Variants in PTPN6 observed in about 807,000 individuals in gnomAD.
PTPN6 encodes the protein protein tyrosine phosphatase non-receptor type 6, also known as tyrosine-protein phosphatase non-receptor type 6.
PTPN6 carries 18 observed loss-of-function variants against 81.5 expected under a neutral mutation model. The ratio of observed to expected loss-of-function variants is 0.22; its 90% confidence interval spans 0.15 to 0.33. The LOEUF (loss-of-function observed/expected upper bound fraction) is 0.33, where lower values mean the gene tolerates loss of function less well. Among genes scored for constraint, PTPN6 ranks in the 10% least tolerant of loss-of-function variants. The pLI is 1.00. For synonymous variants in PTPN6, 301 were observed against 310.9 expected, an observed-to-expected ratio of 0.97 and a Z score of 0.33; for missense variants, 500 against 794.2, an observed-to-expected ratio of 0.63 and a Z score of 4.45.
chr12:6,961,143 T>A lies in PTPN6; in HGVS notation c.*43T>A. ...CTTGGCAGCCTCAGCCCTGACCCTG[T>A]GGAAGCATTTCGCGATGGACAGACT... On this transcript the variant is annotated 3_prime_UTR_variant, in exon 16 of 16. Coordinates refer to ENST00000318974, the MANE Select transcript of PTPN6 (RefSeq NM_002831.6). 1.2e-6 allele frequency: 1 copy of A among 838,840 alleles called. No homozygotes were observed. The highest frequency in any genetic ancestry group is 1.8e-6 in the Non-Finnish European group (1 of 555,280). The allele number at this position is 838,840 out of a possible 1,614,324, so 52.0% of individuals were successfully genotyped here.
chr12:6,960,192 A>G lies in PTPN6; in HGVS notation c.1534A>G (p.Ile512Val). 1 of 1,609,970 alleles carries G rather than the reference A, an allele frequency of 6.2e-7. No individual in the cohort carries two copies. Among genetic ancestry groups the G allele is most frequent in the Non-Finnish European group, 8.5e-7 (1 of 1,179,328 alleles). ...EAQYKFIYVA[I>V]AQFIETTKKK... Reference sequence around the variant, plus strand: ...GCAGTACAAGTTCATCTACGTGGCCATCGCCCAGTTCATTGAAACCACTAA... The same window carrying G: ...GCAGTACAAGTTCATCTACGTGGCCGTCGCCCAGTTCATTGAAACCACTAA... The change falls in exon 13 of 16, where the codon ATC becomes GTC. Residue 512 changes from isoleucine to valine, a missense_variant. Transcript: ENST00000318974. This position sits in a 1 kb window ranked among gnomAD's most constrained non-coding sequence, Gnocchi z 6.1.
chr12:6,946,644 G>T, upstream of PTPN6: 1 of 1,196,854 alleles, frequency 8.4e-7, no homozygotes, highest in Non-Finnish European at 1.2e-6. Context: ...CACCTGGCTT[G>T]GGCCACTGTG....
Position 6,952,436 on chromosome 12 carries a change from G to A in PTPN6, c.326+259G>A, listed in dbSNP as rs1403378369. The A allele has an allele frequency of 1.4e-5, 8 of 556,518 alleles. No individual in the cohort carries two copies. The highest frequency in any genetic ancestry group is 9.3e-5 in the East Asian group (3 of 32,328). The allele number at this position is 556,518 out of a possible 1,614,324, so 34.5% of individuals were successfully genotyped here. ...TCGCCCTACTCCGGGAGCCCTGGCC[G>A]CTGCAACCCAGGTCCCACTGGAGAC... is the stretch of plus-strand genomic sequence containing the variant. On this transcript the variant is annotated intron_variant, in intron 3 of 15. Transcript: ENST00000318974. The surrounding 1 kb of genome is among the most constrained non-coding windows in gnomAD (Gnocchi z 8.1).
rs983263472 is a variant in PTPN6 at position 6,955,505 on chromosome 12, A to C, written c.747+20A>C. On this transcript the variant is annotated intron_variant, in intron 6 of 15. Transcript: ENST00000318974. The surrounding 1 kb of genome is among the most constrained non-coding windows in gnomAD (Gnocchi z 7.2). ...TTTGAGGTGCATGGTGGGGACCGGC[A>C]GGGCTGGGGCAGCTGAGGTGGTGGC... 6.8e-6 allele frequency: 11 copies of C among 1,610,556 alleles called. No homozygotes were observed. The African/African-American group carries it at 1.2e-4, about 18-fold the overall frequency.
rs1946090776 is a variant in PTPN6 at position 6,959,536 on chromosome 12, G to A, written c.1362-391G>A. Reference sequence around the variant, plus strand: ...GAAAAGGGAAGTGAAGCCATGCTGAGAGACGCTCCATAACTCCTTCAGGGA... The same window carrying A: ...GAAAAGGGAAGTGAAGCCATGCTGAAAGACGCTCCATAACTCCTTCAGGGA... On this transcript the variant is annotated intron_variant, in intron 11 of 15. Coordinates refer to ENST00000318974, the MANE Select transcript of PTPN6 (RefSeq NM_002831.6). This position sits in a 1 kb window ranked among gnomAD's most constrained non-coding sequence, Gnocchi z 6.6. The A allele has an allele frequency of 2.1e-5, 8 of 384,322 alleles. No individual in the cohort carries two copies. The South Asian group carries it at 2.2e-4, about 11-fold the overall frequency. The allele number at this position is 384,322 out of a possible 1,614,324, so 23.8% of individuals were successfully genotyped here. A position where few individuals can be genotyped will look rare whatever the true frequency, so the allele number is the denominator to read the frequency against.
Position 6,960,491 on chromosome 12 carries a change from G to T in PTPN6, c.1673+56G>T. ...TCCACCCCTTTGTCCTGCCCAGCCC[G>T]ATCCTCACTTTCTGGAGAGGACAAG... is the stretch of plus-strand genomic sequence containing the variant. On this transcript the variant is annotated intron_variant, in intron 14 of 15. Coordinates refer to ENST00000318974, the MANE Select transcript of PTPN6 (RefSeq NM_002831.6). This position sits in a 1 kb window ranked among gnomAD's most constrained non-coding sequence, Gnocchi z 6.1. 2 of 1,564,406 alleles carry T rather than the reference G, an allele frequency of 1.3e-6. No homozygotes were observed. The highest frequency in any genetic ancestry group is 1.8e-6 in the Non-Finnish European group (2 of 1,140,890).
upstream of PTPN6, among the ~76,000 whole-genome samples, chr12:6,950,182 T>G (rs2017732148): frequency 6.6e-6 from 1 of 150,590 alleles, no homozygotes; most frequent in Non-Finnish European, 1.5e-5. Flanking sequence ...AGTTAGCATA[T>G]TTATTTTTAT....
rs1555148494 is a variant in PTPN6, at chr12:6,955,512, G to A, written c.747+27G>A. 4 of 1,608,118 alleles carry A rather than the reference G, an allele frequency of 2.5e-6. No individual in the cohort carries two copies. The Admixed American group carries it at 5.0e-5, about 20-fold the overall frequency. On this transcript the variant is annotated intron_variant, in intron 6 of 15. Transcript: ENST00000318974. The surrounding 1 kb of genome is among the most constrained non-coding windows in gnomAD (Gnocchi z 7.2). ...TGCATGGTGGGGACCGGCAGGGCTG[G>A]GGCAGCTGAGGTGGTGGCAGCGGCC...
In PTPN6 at chr12:6,954,005, G is replaced by C. The variant is rs1459069847; in HGVS notation, c.327-800G>C. Reference sequence around the variant, plus strand: ...GAGTTTTGTGTTTTTTCCATCACGTGGTTTCCTGTGGGGCTGGGCTTTGTG... The same window carrying C: ...GAGTTTTGTGTTTTTTCCATCACGTCGTTTCCTGTGGGGCTGGGCTTTGTG... On this transcript the variant is annotated intron_variant, in intron 3 of 15. Coordinates refer to ENST00000318974, the MANE Select transcript of PTPN6 (RefSeq NM_002831.6). This position sits in a 1 kb window ranked among gnomAD's most constrained non-coding sequence, Gnocchi z 5.4. Among the ~76,000 whole-genome samples the C allele has an allele frequency of 6.6e-6, 1 of 152,198 alleles. No individual in the cohort carries two copies. The highest frequency in any genetic ancestry group is 1.5e-5 in the Non-Finnish European group (1 of 68,026).
rs1421136546 is a variant in PTPN6, at chr12:6,957,554, G to A, written c.1075-100G>A. 2.7e-6 allele frequency: 4 copies of A among 1,460,028 alleles called. No homozygotes were observed. The African/African-American group carries it at 5.6e-5, about 20-fold the overall frequency. 90.4% of individuals were successfully genotyped at this position (1,460,028 alleles called of 1,614,324 possible). On this transcript the variant is annotated intron_variant, in intron 9 of 15. Transcript: ENST00000318974. The surrounding 1 kb of genome is among the most constrained non-coding windows in gnomAD (Gnocchi z 6.5). The stretch of plus-strand genomic sequence containing the variant: ...CAGCCCATCCGTCCATCCAACAAAT[G>A]TTTGGGCCGGTGCCAGGCACTCAGA...
Position 6,951,369 on chromosome 12 carries a change from C to T in PTPN6, c.-144C>T, listed in dbSNP as rs1591683264. 1 of 1,541,620 alleles carries T rather than the reference C, an allele frequency of 6.5e-7. No individual in the cohort carries two copies. Among genetic ancestry groups the T allele is most frequent in the South Asian group, 1.2e-5 (1 of 83,542 alleles). On this transcript the variant is annotated 5_prime_UTR_variant, in exon 1 of 16. Coordinates refer to ENST00000318974, the MANE Select transcript of PTPN6 (RefSeq NM_002831.6). The surrounding 1 kb of genome is among the most constrained non-coding windows in gnomAD (Gnocchi z 7.2). ...CTGCCCCAGGCCAGTGGAGTGGCAG[C>T]CCCAGAACTGGGACCACCGGGGGTG...
chr12:6,958,206 G>T, intron 11 of PTPN6, 133 bp downstream of exon 11: 1 of 1,307,666 alleles, frequency 7.6e-7, no homozygotes, highest in Non-Finnish European at 1.1e-6. Flanking sequence ...GCTTCTCCTG[G>T]GTCCCCTCAT....
In PTPN6 at chr12:6,960,696, G is replaced by GT. The variant is rs1449285734; in HGVS notation, c.1674-109dup. The stretch of plus-strand genomic sequence containing the variant: ...AGTCTAGTGCAGGGACCGTGGCTGC[G>GT]TCACCTGTGAGACGGGGTGGCCAGA... On this transcript the variant is annotated intron_variant, in intron 14 of 15. Coordinates refer to ENST00000318974, the MANE Select transcript of PTPN6 (RefSeq NM_002831.6). The surrounding 1 kb of genome is among the most constrained non-coding windows in gnomAD (Gnocchi z 6.1). The GT allele has an allele frequency of 6.4e-7, 1 of 1,551,528 alleles. No individual in the cohort carries two copies. Among genetic ancestry groups the GT allele is most frequent in the African/African-American group, 1.4e-5 (1 of 73,146 alleles).
Position 6,960,264 on chromosome 12 carries a change from G to GGC in PTPN6, c.1581+26_1581+27insCG. 3.2e-6 allele frequency: 5 copies of GGC among 1,543,068 alleles called. No individual in the cohort carries two copies. Among genetic ancestry groups the GGC allele is most frequent in the South Asian group, 2.5e-5 (2 of 80,690 alleles). ...GGTGCGTGCAGAGCAGGGCCTGGGGGGGGGGGGGGCTGCAGTGCAGGATGG... is the reference window on the plus strand; with the variant it reads ...GGTGCGTGCAGAGCAGGGCCTGGGGGGCGGGGGGGGGCTGCAGTGCAGGATGG... On this transcript the variant is annotated intron_variant, in intron 13 of 15. Transcript: ENST00000318974. The surrounding 1 kb of genome is among the most constrained non-coding windows in gnomAD (Gnocchi z 6.1).
chr12:6,950,871 T>A (rs1336078424), upstream of PTPN6, among the ~76,000 whole-genome samples: 2 of 152,158 alleles, frequency 1.3e-5, no homozygotes, highest in East Asian at 3.8e-4. Context: ...AGCCTCAGGT[T>A]CCTTGTCTGT....
chr12:6,960,269 G>C lies in PTPN6; in HGVS notation c.1581+30G>C, dbSNP rs374834069. ...GTGCAGAGCAGGGCCTGGGGGGGGG[G>C]GGGGCTGCAGTGCAGGATGGGTGCC... On this transcript the variant is annotated intron_variant, in intron 13 of 15. Coordinates refer to ENST00000318974, the MANE Select transcript of PTPN6 (RefSeq NM_002831.6). This position sits in a 1 kb window ranked among gnomAD's most constrained non-coding sequence, Gnocchi z 6.1. 195 of 1,605,938 alleles carry C rather than the reference G, an allele frequency of 1.2e-4. 1 individual carries two copies. Among genetic ancestry groups the C allele is most frequent in the South Asian group, 3.7e-4 (34 of 90,780 alleles).
rs781896115 is a variant in PTPN6, at chr12:6,952,185, C to T, written c.326+8C>T. ...CGATCCCACTAGTGAGAGGTGAGGG[C>T]TCCGCACCCCCGCCATTCCCAAGCA... On this transcript the variant is annotated splice_region_variant and intron_variant, in intron 3 of 15. Transcript: ENST00000318974. This position sits in a 1 kb window ranked among gnomAD's most constrained non-coding sequence, Gnocchi z 8.1. The T allele has an allele frequency of 1.9e-6, 3 of 1,612,986 alleles. No individual in the cohort carries two copies. The South Asian group carries it at 3.3e-5, about 18-fold the overall frequency.
At chr12:6,946,718 A>T (rs782180778), upstream of PTPN6, 2 of 1,611,238 alleles carry the variant, frequency 1.2e-6, no homozygotes, top group African/African-American at 2.7e-5. Flanking sequence ...CCCCCTCCCT[A>T]CAGAGAGATG....
At chr12:6,961,045 C>T in intron 15 of PTPN6, 81 bp from the exon 16 acceptor site, 2 of 1,514,234 alleles carry the variant, frequency 1.3e-6, no homozygotes, top group Non-Finnish European at 1.8e-6. Flanking sequence ...TCATTCTGTG[C>T]TTCCCAGCTG....
Sources: allele counts gnomAD v4.1 joint callset (sites outside exome capture counted in the v4.1 genomes callset), GRCh38; gene constraint gnomAD v4.1.1; non-coding constraint Gnocchi (gnomAD v3.1); transcripts MANE v1.5; gene names NCBI Gene and HGNC (gene_info 2026-07-23, HGNC 2026-07-21).